The following KCNK2 variants were observed in gnomAD, a reference collection of about 807,000 sequenced individuals.
KCNK2 encodes potassium two pore domain channel subfamily K member 2, also known as potassium channel subfamily K member 2.
A neutral mutation model predicts 40.5 loss-of-function variants in KCNK2; 21 were observed. The observed-to-expected ratio is 0.52, with a 90% CI of 0.37 to 0.75. The LOEUF is 0.75. KCNK2 is among the 30% of genes least tolerant of loss of function. The pLI is 0.00. For missense variants in KCNK2, 399 were observed against 531.6 expected, an observed-to-expected ratio of 0.75 and a Z score of 2.45; for synonymous variants, 191 against 202.2, an observed-to-expected ratio of 0.94 and a Z score of 0.47.
At chr1:215,171,275 A>T (rs1168225963) in intron 4 of KCNK2, among the ~76,000 whole-genome samples, 1 of 152,102 alleles carries the variant, frequency 6.6e-6, no homozygotes, top group Non-Finnish European at 1.5e-5. Flanking sequence ...AGGAGTTTTA[A>T]AAAATGGGTA....
At chr1:215,038,867 TA>T (rs1657470718) in intron 1 of KCNK2, among the ~76,000 whole-genome samples, 1 of 152,076 alleles carries the variant, frequency 6.6e-6, no homozygotes, top group African/African-American at 2.4e-5. Flanking sequence ...CTCTCTCTTC[TA>T]AGGTCATTTA....
intron 2 of KCNK2, among the ~76,000 whole-genome samples, chr1:215,092,427 A>G (rs1206940256): frequency 6.6e-6 from 1 of 152,178 alleles, no homozygotes; most frequent in African/African-American, 2.4e-5. Flanking sequence ...GATTGATGGG[A>G]TGCCACATAG....
chr1:215,031,370 T>G (rs1657183004), intron 1 of KCNK2, among the ~76,000 whole-genome samples: 1 of 152,208 alleles, frequency 6.6e-6, no homozygotes, highest in Non-Finnish European at 1.5e-5. Context: ...TGAAATATCT[T>G]TCCCTTTATT....
intron 3 of KCNK2, among the ~76,000 whole-genome samples, chr1:215,140,085 G>A (rs1385065103): frequency 6.6e-6 from 1 of 152,066 alleles, no homozygotes; most frequent in African/African-American, 2.4e-5. Context: ...ATAAGTATCT[G>A]TCTTTCATTG....
chr1:215,219,767 A>T (rs990602880), intron 6 of KCNK2, among the ~76,000 whole-genome samples: 2 of 152,156 alleles, frequency 1.3e-5, no homozygotes, highest in South Asian at 2.1e-4. Context: ...ATACAGACTC[A>T]TGGGTTTCTG....
chr1:215,074,501 A>T (rs1658865520), intron 1 of KCNK2, among the ~76,000 whole-genome samples: 1 of 152,216 alleles, frequency 6.6e-6, no homozygotes, highest in African/African-American at 2.4e-5. Flanking sequence ...TGCTAACAGA[A>T]TTTGTGATCT....
At chr1:215,010,629 T>C (rs1237734635) in intron 1 of KCNK2, among the ~76,000 whole-genome samples, 1 of 152,148 alleles carries the variant, frequency 6.6e-6, no homozygotes, top group African/African-American at 2.4e-5. Flanking sequence ...ATTAGGCTGC[T>C]TTTGTTCTTT....
chr1:215,135,194 C>G (rs1451867958), intron 3 of KCNK2, among the ~76,000 whole-genome samples: 3 of 152,014 alleles, frequency 2.0e-5, no homozygotes, highest in Non-Finnish European at 4.4e-5. Flanking sequence ...AGGAGTGATA[C>G]AGTACAAGGA....
chr1:215,228,901 G>A (rs185790762), intron 6 of KCNK2, among the ~76,000 whole-genome samples: 50 of 152,144 alleles, frequency 3.3e-4, no homozygotes, highest in Non-Finnish European at 6.6e-4. Context: ...ATATGAGTCC[G>A]TACATTAGGG....
In KCNK2 at chr1:215,051,596, G is replaced by C. The variant is rs551526611; in HGVS notation, c.35-34772G>C. ...ATTGATGACAGCCCTTATGACAAGA[G>C]GATGCTTGACCAGAAACCTGGAGGA... On this transcript the variant is annotated intron_variant, in intron 1 of 6. Coordinates refer to the KCNK2 transcript ENST00000391895. 1.0e-3 allele frequency among the ~76,000 whole-genome samples: 155 copies of C among 152,304 alleles called. 1 individual carries two copies. Among genetic ancestry groups the C allele is most frequent in the African/African-American group, 3.5e-3 (147 of 41,572 alleles).
chr1:215,032,518 A>G (rs542791039), intron 1 of KCNK2, among the ~76,000 whole-genome samples: 1 of 152,220 alleles, frequency 6.6e-6, no homozygotes, highest in South Asian at 2.1e-4. Flanking sequence ...TTTCTGATCC[A>G]TATCATTTCT....
intron 4 of KCNK2, among the ~76,000 whole-genome samples, chr1:215,169,896 T>C (rs1663623706): frequency 6.6e-6 from 1 of 152,192 alleles, no homozygotes; most frequent in Non-Finnish European, 1.5e-5. Flanking sequence ...TCTGCCCATC[T>C]TGGGCTCCCA....
chr1:215,151,408 T>G, intron 3 of KCNK2, among the ~76,000 whole-genome samples: 1 of 152,154 alleles, frequency 6.6e-6, no homozygotes, highest in East Asian at 1.9e-4. Context: ...TGCCTCTCTC[T>G]GTTCAGTACC....
intron 1 of KCNK2, among the ~76,000 whole-genome samples, chr1:215,028,068 A>G (rs1463086979): frequency 6.6e-6 from 1 of 151,984 alleles, no homozygotes; most frequent in Non-Finnish European, 1.5e-5. Flanking sequence ...TAAGATTAAC[A>G]TATTTATCTA....
chr1:215,192,292 C>T (rs1006674167), intron 5 of KCNK2, among the ~76,000 whole-genome samples: 1 of 152,080 alleles, frequency 6.6e-6, no homozygotes, highest in African/African-American at 2.4e-5. Flanking sequence ...CATCTGACTG[C>T]CAGTATTTCA....
intron 5 of KCNK2, 126 bp downstream of exon 5, chr1:215,172,309 T>C (rs1344147291): frequency 7.5e-6 from 6 of 804,080 alleles, no homozygotes; most frequent in Non-Finnish European, 1.2e-5. Flanking sequence ...CCAAGTACCA[T>C]AAAGTGGGTG....
chr1:215,081,433 A>G (rs778096346), upstream of KCNK2, among the ~76,000 whole-genome samples: 2 of 152,150 alleles, frequency 1.3e-5, no homozygotes, highest in Non-Finnish European at 2.9e-5. Flanking sequence ...TTGAGCACAT[A>G]AGTTGAGAAA....
chr1:215,031,621 G>A (rs1657193088), intron 1 of KCNK2, among the ~76,000 whole-genome samples: 2 of 149,654 alleles, frequency 1.3e-5, no homozygotes, highest in Admixed American at 6.8e-5. Flanking sequence ...TTCAAAATCT[G>A]AAACAATATG....
chr1:215,096,129 T>C (rs2102544701), intron 2 of KCNK2, among the ~76,000 whole-genome samples: 1 of 152,066 alleles, frequency 6.6e-6, no homozygotes, highest in African/African-American at 2.4e-5. Flanking sequence ...ATTCAAATAA[T>C]GCAGGAAGGT....
Sources: gnomAD v4.1 joint callset for allele counts (sites outside exome capture counted in the v4.1 genomes callset) on GRCh38, gnomAD v4.1.1 for gene constraint, MANE v1.5 for transcripts, NCBI Gene and HGNC (gene_info 2026-07-23, HGNC 2026-07-21) for gene names.